BCO1: variants seen among roughly 807,000 people sequenced by gnomAD.
The protein encoded by BCO1 is beta,beta-carotene 15,15'-dioxygenase.
In BCO1, 54 loss-of-function variants were observed where a neutral mutation model predicts 56.3. That is an observed-to-expected ratio of 0.96 (90% CI 0.77 to 1.20). The LOEUF (loss-of-function observed/expected upper bound fraction) is 1.20, where lower values mean the gene tolerates loss of function less well. BCO1 is among the 50% of genes most tolerant of loss of function. The pLI, the probability that BCO1 is intolerant of heterozygous loss-of-function variation, is 0.00. For synonymous variants in BCO1, 318 were observed against 266.1 expected, an observed-to-expected ratio of 1.20 and a Z score of -1.90; for missense variants, 801 against 690.9, an observed-to-expected ratio of 1.16 and a Z score of -1.79.
At chr16:81,280,608 G>C (rs1303793847) in intron 7 of BCO1, among the ~76,000 whole-genome samples, 1 of 152,166 alleles carries the variant, frequency 6.6e-6, no homozygotes, top group East Asian at 1.9e-4. Flanking sequence ...GGCAGGCTCA[G>C]AGTAAGAGAA....
intron 2 of BCO1, among the ~76,000 whole-genome samples, chr16:81,246,429 TA>T (rs1401423388): frequency 2.0e-5 from 3 of 152,180 alleles, no homozygotes; most frequent in African/African-American, 7.2e-5. Context: ...CAGACTTTCC[TA>T]AAAAGGAGGC....
intron 2 of BCO1, among the ~76,000 whole-genome samples, chr16:81,254,059 C>T (rs192145171): frequency 6.6e-6 from 1 of 152,262 alleles, no homozygotes; most frequent in Admixed American, 6.5e-5. Context: ...CTCTTAGGAA[C>T]ACAAATAACC....
At chr16:81,262,316 T>C (rs1906537953) in intron 4 of BCO1, 33 bp downstream of exon 4, 1 of 1,603,990 alleles carries the variant, frequency 6.2e-7, no homozygotes. Flanking sequence ...CATCACTTCC[T>C]GACTCAAGAA....
chr16:81,240,124 A>G (rs993527510), intron 1 of BCO1, among the ~76,000 whole-genome samples: 1 of 152,096 alleles, frequency 6.6e-6, no homozygotes. Flanking sequence ...GGCACAATCT[A>G]TAGCTATCAA....
At chr16:81,283,601 G>C (rs1908002125) in intron 8 of BCO1, among the ~76,000 whole-genome samples, 1 of 152,004 alleles carries the variant, frequency 6.6e-6, no homozygotes, top group African/African-American at 2.4e-5. Context: ...CTAAGTATGG[G>C]AGTGTTCCCT....
intron 7 of BCO1, among the ~76,000 whole-genome samples, chr16:81,279,896 G>A (rs1907765717): frequency 6.6e-6 from 1 of 152,062 alleles, no homozygotes; most frequent in South Asian, 2.1e-4. Context: ...AGAAAATACT[G>A]AAAATACAGA....
intron 7 of BCO1, among the ~76,000 whole-genome samples, chr16:81,279,893 AC>A (rs1206026130): frequency 6.6e-6 from 1 of 152,172 alleles, no homozygotes. Flanking sequence ...AGAAGAAAAT[AC>A]TGAAAATACA....
chr16:81,245,624 G>C (rs747124332), intron 2 of BCO1, 21 bp downstream of exon 2: 2 of 1,613,926 alleles, frequency 1.2e-6, no homozygotes, highest in Non-Finnish European at 8.5e-7. Context: ...CCACGAGTGT[G>C]CTGCCACTGC....
chr16:81,274,936 A>G (rs982412382), intron 7 of BCO1, among the ~76,000 whole-genome samples: 1 of 152,090 alleles, frequency 6.6e-6, no homozygotes, highest in Non-Finnish European at 1.5e-5. Flanking sequence ...CATATGAACC[A>G]TCTGCTGCTT....
At chr16:81,289,342 A>G (rs1380571820) in intron 10 of BCO1, among the ~76,000 whole-genome samples, 1 of 152,194 alleles carries the variant, frequency 6.6e-6, no homozygotes, top group Non-Finnish European at 1.5e-5. Flanking sequence ...AATTGGGCCC[A>G]TTGAAATGCC....
intron 7 of BCO1, among the ~76,000 whole-genome samples, chr16:81,270,655 GAT>G (rs751848151): frequency 2.7e-5 from 4 of 146,690 alleles, no homozygotes; most frequent in South Asian, 2.2e-4. Context: ...GATCACTGTG[GAT>G]ATATATGTTT....
intron 1 of BCO1, among the ~76,000 whole-genome samples, chr16:81,242,985 A>T (rs1012283020): frequency 3.9e-5 from 6 of 152,096 alleles, no homozygotes; most frequent in Non-Finnish European, 8.8e-5. Context: ...CCACAAAACC[A>T]GTCCCTGGTG....
intron 2 of BCO1, among the ~76,000 whole-genome samples, chr16:81,254,501 C>T (rs1220049992): frequency 3.3e-5 from 5 of 149,884 alleles, no homozygotes; most frequent in Admixed American, 1.3e-4. Flanking sequence ...AGGCTGATCT[C>T]GAACACCTAG....
intron 7 of BCO1, among the ~76,000 whole-genome samples, 158 bp downstream of exon 7, chr16:81,270,574 T>C (rs1439747050): frequency 1.4e-5 from 2 of 146,094 alleles, no homozygotes; most frequent in African/African-American, 4.9e-5. Context: ...TACCGATTCA[T>C]AATAAAAACT....
intron 2 of BCO1, among the ~76,000 whole-genome samples, chr16:81,251,457 G>C (rs1037010981): frequency 6.6e-6 from 1 of 152,072 alleles, no homozygotes; most frequent in Admixed American, 6.6e-5. Flanking sequence ...CATCTTAGGA[G>C]ACTGAGGCAG....
chr16:81,281,375 G>T (rs1451749524), intron 8 of BCO1, among the ~76,000 whole-genome samples: 1 of 152,210 alleles, frequency 6.6e-6, no homozygotes, highest in African/African-American at 2.4e-5. Context: ...GAGCCCAGGA[G>T]GTGGAGATTG....
In BCO1 at chr16:81,238,776, A is replaced by G. The variant is rs1904972745; in HGVS notation, c.-133A>G. The G allele has an allele frequency of 4.9e-6, 4 of 810,750 alleles. No homozygotes were observed. The highest frequency in any genetic ancestry group is 8.6e-6 in the Non-Finnish European group (4 of 465,380). 50.2% of individuals were successfully genotyped at this position (810,750 alleles called of 1,614,324 possible). On this transcript the variant is annotated 5_prime_UTR_variant, in exon 1 of 11. Coordinates refer to ENST00000258168, the MANE Select transcript of BCO1 (RefSeq NM_017429.3). ...AAGCAAAGGCAGAAACGGCATCAGG[A>G]GAGACAGAGATGTGAAGGAGGGAAG...
In BCO1 at chr16:81,281,835, T is replaced by C. The variant is rs184140503; in HGVS notation, c.1207+873T>C. Among the ~76,000 whole-genome samples the C allele has an allele frequency of 1.4e-3, 219 of 152,296 alleles. 2 individuals are homozygous for C. Among genetic ancestry groups the C allele is most frequent in the Middle Eastern group, 3.4e-3 (1 of 294 alleles). On this transcript the variant is annotated intron_variant, in intron 8 of 10. Transcript: ENST00000258168. ...CTGGAAGCCAGGAAGACCCCCATCC[T>C]GAATTGGAGCAGCCAAATATGTCTC...
chr16:81,277,591 C>G (rs1412135221), intron 7 of BCO1, among the ~76,000 whole-genome samples: 2 of 152,194 alleles, frequency 1.3e-5, no homozygotes, highest in Non-Finnish European at 2.9e-5. Context: ...GTGGAGGAAA[C>G]TAGCTCTGAG....
Sources: gnomAD v4.1 joint callset for allele counts (sites outside exome capture counted in the v4.1 genomes callset) on GRCh38, gnomAD v4.1.1 for gene constraint, MANE v1.5 for transcripts, NCBI Gene and HGNC (gene_info 2026-07-23, HGNC 2026-07-21) for gene names.